CCDC81: variants seen among roughly 807,000 people sequenced by gnomAD.
CCDC81 encodes coiled-coil domain-containing protein 81.
A neutral mutation model predicts 83.7 loss-of-function variants in CCDC81; 79 were observed. That is an observed-to-expected ratio of 0.94 (90% CI 0.79 to 1.14). The LOEUF is 1.14. CCDC81 is among the 50% of genes most tolerant of loss of function. CCDC81 has a pLI of 0.00. For missense variants in CCDC81, 791 were observed against 778.1 expected, an observed-to-expected ratio of 1.02 and a Z score of -0.20; for synonymous variants, 252 against 278.1, an observed-to-expected ratio of 0.91 and a Z score of 0.93.
At chr11:86,383,373 T>A (rs1447905358) in intron 1 of CCDC81, among the ~76,000 whole-genome samples, 13 of 152,236 alleles carry the variant, frequency 8.5e-5, no homozygotes, top group Non-Finnish European at 1.5e-4. Flanking sequence ...ATCTGTTTTT[T>A]GACATTAATG....
rs1223918501 is a variant in CCDC81, at chr11:86,422,678, T to A, written c.1922T>A (p.Leu641Gln). ...GTGGGCGAGAGCAACCTGTGGCCCC[T>A]GAACAAGTTCCTGCCTGGCTCCCGG... ...SNVGESNLWP[L>Q]NKFLPGSRLL... Residue 641 changes from leucine to glutamine, a missense_variant, in exon 15 of 15, where the codon CTG (leucine) becomes CAG (glutamine). Physicochemically the swap from Leu to Gln is moderately radical, Grantham distance 113 (BLOSUM62 -2). Coordinates refer to ENST00000445632, the MANE Select transcript of CCDC81 (RefSeq NM_001156474.2). The A allele has an allele frequency of 2.5e-6, 4 of 1,614,040 alleles. No individual in the cohort carries two copies. The Admixed American group carries it at 6.7e-5, about 27-fold the overall frequency.
At chr11:86,387,429 C>G in intron 2 of CCDC81, 87 bp from the exon 3 acceptor site, 2 of 1,319,856 alleles carry the variant, frequency 1.5e-6, no homozygotes, top group Non-Finnish European at 2.1e-6. Flanking sequence ...GCTTACTTCT[C>G]TTCGTGTTTT....
intron 1 of CCDC81, 28 bp downstream of exon 1, chr11:86,375,270 C>T (rs770196073): frequency 6.3e-7 from 1 of 1,585,704 alleles, no homozygotes; most frequent in Non-Finnish European, 8.6e-7. Flanking sequence ...CAGGGGGTGG[C>T]CCTGGGGATT....
intron 1 of CCDC81, among the ~76,000 whole-genome samples, chr11:86,377,566 T>C (rs905097674): frequency 1.3e-5 from 2 of 152,214 alleles, no homozygotes; most frequent in Non-Finnish European, 2.9e-5. Context: ...GGGGAGCACC[T>C]TTTAATATGC....
chr11:86,387,744 C>CGTAGCCAGT (rs1565759278), intron 3 of CCDC81, 72 bp downstream of exon 3: 4 of 1,060,208 alleles, frequency 3.8e-6, no homozygotes, highest in African/African-American at 1.6e-5. Flanking sequence ...AAGGGCAAAG[C>CGTAGCCAGT]GTAGCCAGTG....
intron 7 of CCDC81, among the ~76,000 whole-genome samples, chr11:86,405,261 C>T (rs1386452629): frequency 2.0e-5 from 3 of 152,048 alleles, no homozygotes; most frequent in Non-Finnish European, 4.4e-5. Flanking sequence ...TTTCCTTCAT[C>T]TCTACTAAAA....
chr11:86,415,288 C>T lies in CCDC81; in HGVS notation c.1666C>T (p.Gln556Ter). 1 of 1,613,992 alleles carries T rather than the reference C, an allele frequency of 6.2e-7. No individual in the cohort carries two copies. The highest frequency in any genetic ancestry group is 8.5e-7 in the Non-Finnish European group (1 of 1,179,952). The change falls in exon 13 of 15, where the codon CAA (glutamine) becomes TAA (stop). Residue 556 changes from glutamine to a stop codon, truncating the protein, a stop_gained. Transcript: ENST00000445632. LOFTEE classifies it high-confidence loss of function. The part of the protein sequence containing the change: ...HQLVDQRRDL[Q>*]MLQRTQREHL... ...ACTAGTGGACCAGAGGCGGGATTTG[C>T]AAATGCTTCAGAGGACACAAAGAGA...
chr11:86,408,308 A>G (rs2138530739), intron 9 of CCDC81, 38 bp downstream of exon 9: 4 of 1,545,956 alleles, frequency 2.6e-6, no homozygotes, highest in Non-Finnish European at 3.5e-6. Flanking sequence ...ATATGGGGCA[A>G]TAGAACATGA....
At chr11:86,381,591 T>C (rs1190222886) in intron 1 of CCDC81, among the ~76,000 whole-genome samples, 1 of 152,238 alleles carries the variant, frequency 6.6e-6, no homozygotes, top group Admixed American at 6.5e-5. Flanking sequence ...TGTTTCTGCA[T>C]GTGAGTCCGT....
At chr11:86,417,746 CT>C (rs1000368431) in intron 13 of CCDC81, among the ~76,000 whole-genome samples, 195 of 143,742 alleles carry the variant, frequency 1.4e-3, no homozygotes, top group African/African-American at 3.0e-3. Context: ...TCTAATTTTC[CT>C]TTTTTTTTTT....
chr11:86,418,152 A>C (rs1235229132), intron 13 of CCDC81, among the ~76,000 whole-genome samples: 1 of 152,230 alleles, frequency 6.6e-6, no homozygotes, highest in Non-Finnish European at 1.5e-5. Flanking sequence ...TGAAAGTGCA[A>C]ACCACAATCA....
rs750341803 is a variant in CCDC81, at chr11:86,422,640, G to T, written c.1884G>T (p.Arg628Ser). Residue 628 changes from arginine (R) to serine (S), a missense_variant, in exon 15 of 15, where the codon AGG (arginine) becomes AGT (serine). Transcript: ENST00000445632. ...ATCGGCGCTGCAAGCAATGCCAGAG[G>T]CGCACCTCCAACGTGGGCGAGAGCA... ...EKYRRCKQCQ[R>S]RTSNVGESNL... is the part of the protein sequence containing the mutation. 6.2e-7 allele frequency: 1 copy of T among 1,614,106 alleles called. No individual in the cohort carries two copies. Among genetic ancestry groups the T allele is most frequent in the Non-Finnish European group, 8.5e-7 (1 of 1,179,970 alleles).
chr11:86,400,574 TAA>T, intron 6 of CCDC81, 102 bp from the exon 7 acceptor site: 1 of 1,148,710 alleles, frequency 8.7e-7, no homozygotes, highest in Non-Finnish European at 1.2e-6. Flanking sequence ...TATTTAAAGA[TAA>T]GAGAGTGTAT....
intron 1 of CCDC81, among the ~76,000 whole-genome samples, chr11:86,377,561 G>A (rs1037660413): frequency 6.6e-6 from 1 of 152,132 alleles, no homozygotes; most frequent in Non-Finnish European, 1.5e-5. Flanking sequence ...ATAATGGGGA[G>A]CACCTTTTAA....
At chr11:86,412,673 G>T in intron 11 of CCDC81, 114 bp downstream of exon 11, 1 of 949,122 alleles carries the variant, frequency 1.1e-6, no homozygotes, top group East Asian at 2.7e-5. Flanking sequence ...GTAACCAACT[G>T]AGCAAACTAA....
intron 3 of CCDC81, among the ~76,000 whole-genome samples, chr11:86,388,647 A>G (rs1044425279): frequency 3.9e-5 from 6 of 152,228 alleles, no homozygotes; most frequent in Non-Finnish European, 8.8e-5. Flanking sequence ...AGAATTTCTT[A>G]GGTATATATT....
intron 10 of CCDC81, among the ~76,000 whole-genome samples, chr11:86,411,760 C>T (rs1306862412): frequency 6.6e-6 from 1 of 152,208 alleles, no homozygotes; most frequent in Non-Finnish European, 1.5e-5. Flanking sequence ...AATAGTCCCA[C>T]AGACAGGTTT....
At chr11:86,389,673 C>T (rs1948296123) in intron 3 of CCDC81, among the ~76,000 whole-genome samples, 1 of 152,204 alleles carries the variant, frequency 6.6e-6, no homozygotes, top group Non-Finnish European at 1.5e-5. Flanking sequence ...CACCTCCCAC[C>T]AGGCCCCTCC....
chr11:86,407,141 G>T (rs2138529237), intron 7 of CCDC81, among the ~76,000 whole-genome samples: 1 of 152,302 alleles, frequency 6.6e-6, no homozygotes, highest in Admixed American at 6.5e-5. Flanking sequence ...AGCATTGCAA[G>T]GCATTTATCA....
Sources: allele counts gnomAD v4.1 joint callset (sites outside exome capture counted in the v4.1 genomes callset), GRCh38; gene constraint gnomAD v4.1.1; transcripts MANE v1.5; gene names NCBI Gene and HGNC (gene_info 2026-07-23, HGNC 2026-07-21).